ANKFN1: variants seen among roughly 807,000 people sequenced by gnomAD.
The protein encoded by ANKFN1 is ankyrin repeat and fibronectin type III domain containing 1.
In ANKFN1, 74 loss-of-function variants were observed where a neutral mutation model predicts 108.7. That is an observed-to-expected ratio of 0.68 (90% CI 0.56 to 0.83). The LOEUF is 0.83. ANKFN1 is among the 40% of genes least tolerant of loss of function. The pLI, the probability that ANKFN1 is intolerant of heterozygous loss-of-function variation, is 0.00. For missense variants in ANKFN1, 1,505 were observed against 1,382.3 expected (o/e 1.09, Z -1.41); for synonymous variants, 547 against 516.2 (o/e 1.06, Z -0.81).
intron 4 of ANKFN1, among the ~76,000 whole-genome samples, chr17:56,125,588 A>T (rs1315392002): frequency 1.3e-5 from 2 of 152,244 alleles, no homozygotes; most frequent in Non-Finnish European, 2.9e-5. Flanking sequence ...TTTTATCCTC[A>T]TCATAGCCCT....
intron 4 of ANKFN1, among the ~76,000 whole-genome samples, chr17:56,128,668 C>T (rs1322771105): frequency 2.6e-5 from 4 of 152,140 alleles, no homozygotes; most frequent in African/African-American, 9.7e-5. Context: ...GCAGTATTTC[C>T]CAAGGCAGTA....
intron 4 of ANKFN1, among the ~76,000 whole-genome samples, chr17:56,085,384 A>G (rs141306566): frequency 0.01 from 1,558 of 150,894 alleles, 67 homozygotes; most frequent in Non-Finnish European, 0.017. Context: ...AGGCCATGTG[A>G]AAACAGAGGC....
intron 2 of ANKFN1, among the ~76,000 whole-genome samples, chr17:56,225,552 G>A (rs551753876): frequency 5.9e-5 from 9 of 152,272 alleles, no homozygotes; most frequent in African/African-American, 2.2e-4. Context: ...CGAGGGGAGG[G>A]GATGTGTTAT....
At chr17:56,476,455 A>T (rs1455552344) in intron 15 of ANKFN1, among the ~76,000 whole-genome samples, 1 of 152,244 alleles carries the variant, frequency 6.6e-6, no homozygotes, top group East Asian at 1.9e-4. Flanking sequence ...TTACTATTGA[A>T]TCAACAGCTT....
chr17:56,385,111 C>A (rs557035914), intron 8 of ANKFN1, among the ~76,000 whole-genome samples: 85 of 151,112 alleles, frequency 5.6e-4, no homozygotes, highest in Admixed American at 1.7e-3. Context: ...GGTACTGGTA[C>A]CAAAACAGAG....
At chr17:56,506,126 A>T (rs140554715) in intron 20 of ANKFN1, among the ~76,000 whole-genome samples, 1 of 152,132 alleles carries the variant, frequency 6.6e-6, no homozygotes, top group East Asian at 1.9e-4. Flanking sequence ...AGTTTGTTAC[A>T]TATGTATACA....
At chr17:56,220,847 G>T (rs1377376882) in intron 2 of ANKFN1, among the ~76,000 whole-genome samples, 792 of 62,632 alleles carry the variant, frequency 0.013, 42 homozygotes, top group African/African-American at 0.097. Context: ...AGGGAGGGAG[G>T]GAGGAAGGAA....
At position 56,510,612 on chromosome 17, in the gene ANKFN1, C is replaced by T. The variant is rs1379391622; in HGVS notation, c.2784C>T (p.Thr928=). The T allele has an allele frequency of 1.3e-6, 2 of 1,536,078 alleles. No individual in the cohort carries two copies. Among genetic ancestry groups the T allele is most frequent in the African/African-American group, 2.7e-5 (2 of 73,062 alleles). ...YLSSHDIAQQ[T]LSGLSGSAPD... ...CATCTCACGACATTGCGCAGCAGACCCTTAGCGGCCTAAGCGGCAGCGCCC... is the reference window on the plus strand; with the variant it reads ...CATCTCACGACATTGCGCAGCAGACTCTTAGCGGCCTAAGCGGCAGCGCCC... Residue 928 remains threonine, a synonymous_variant, in exon 21 of 21, where the codon ACC becomes ACT. Coordinates refer to ENST00000682825, the MANE Select transcript of ANKFN1 (RefSeq NM_001370326.1).
chr17:56,363,019 G>A (rs563734651), intron 6 of ANKFN1, among the ~76,000 whole-genome samples: 1 of 152,012 alleles, frequency 6.6e-6, no homozygotes, highest in Non-Finnish European at 1.5e-5. Flanking sequence ...GACCATCCTG[G>A]CCAACATGGT....
chr17:56,377,737 A>T (rs2144794831), intron 8 of ANKFN1, among the ~76,000 whole-genome samples: 2 of 152,362 alleles, frequency 1.3e-5, no homozygotes, highest in Middle Eastern at 3.4e-3. Flanking sequence ...AAACATTTGC[A>T]AAAGTGATTT....
intron 4 of ANKFN1, among the ~76,000 whole-genome samples, chr17:56,146,213 G>A (rs1030101335): frequency 3.3e-5 from 5 of 152,186 alleles, no homozygotes; most frequent in African/African-American, 1.2e-4. Context: ...GCTCTACCCT[G>A]TGGCTTTGCA....
At chr17:56,096,537 A>G (rs1207276806) in intron 4 of ANKFN1, among the ~76,000 whole-genome samples, 3 of 152,206 alleles carry the variant, frequency 2.0e-5, no homozygotes, top group African/African-American at 7.2e-5. Flanking sequence ...GGTTTAGGAT[A>G]ATGGAAGAGG....
Position 56,449,156 on chromosome 17 carries a change from C to T in ANKFN1, c.1177C>T (p.Arg393Ter), listed in dbSNP as rs1354081314. 6 of 1,613,112 alleles carry T rather than the reference C, an allele frequency of 3.7e-6. No individual in the cohort carries two copies. The highest frequency in any genetic ancestry group is 1.1e-5 in the South Asian group (1 of 91,028). The change falls in exon 11 of 21, where the codon CGA (arginine) becomes TGA (stop). Residue 393 changes from arginine to a stop codon, truncating the protein, a stop_gained. Transcript: ENST00000682825. LOFTEE classifies it high-confidence loss of function. ...EVLEGLLQQV[R>*]ALHQHYSCRE... is the part of the protein sequence containing the mutation. ...TTTGGAAGGTCTGCTGCAGCAGGTC[C>T]GAGCCCTTCATCAGCATTACAGTTG...
rs570825480 is a variant in ANKFN1, at chr17:56,287,698, T to G, written c.54-38523T>G. 2.0e-5 allele frequency among the ~76,000 whole-genome samples: 3 copies of G among 152,352 alleles called. No homozygotes were observed. The South Asian group carries it at 6.2e-4, about 32-fold the overall frequency. Reference sequence around the variant, plus strand: ...CAAGCCAATCATCTTAGATCTTTTTTCATAGCAAAATATTGTTCTTTTTCA... The same window carrying G: ...CAAGCCAATCATCTTAGATCTTTTTGCATAGCAAAATATTGTTCTTTTTCA... On this transcript the variant is annotated intron_variant, in intron 3 of 20. Coordinates refer to ENST00000682825, the MANE Select transcript of ANKFN1 (RefSeq NM_001370326.1).
chr17:56,263,221 G>T (rs9907080), intron 3 of ANKFN1, among the ~76,000 whole-genome samples: 11,907 of 152,196 alleles, frequency 0.078, 725 homozygotes, highest in African/African-American at 0.17. Flanking sequence ...GGTACTGGAT[G>T]TAAACTAAAT....
chr17:56,230,918 C>G (rs1165390457), intron 3 of ANKFN1, among the ~76,000 whole-genome samples: 4 of 152,188 alleles, frequency 2.6e-5, no homozygotes, highest in South Asian at 4.1e-4. Context: ...GAAAGATTCC[C>G]TGGGGCCCTG....
intron 4 of ANKFN1, among the ~76,000 whole-genome samples, chr17:56,107,055 G>T (rs1034472872): frequency 2.0e-5 from 3 of 152,110 alleles, no homozygotes; most frequent in Non-Finnish European, 2.9e-5. Context: ...GGGGCAAAGT[G>T]CTCCATTTCT....
chr17:56,189,201 C>T (rs112731460), intron 1 of ANKFN1, among the ~76,000 whole-genome samples: 2 of 67,154 alleles, frequency 3.0e-5, no homozygotes, highest in East Asian at 1.2e-3. Flanking sequence ...GACGGAGTCT[C>T]GCTCTGTCGC....
rs376705310 is a variant in ANKFN1 at position 56,406,174 on chromosome 17, A to G, written c.910+31460A>G. On this transcript the variant is annotated intron_variant, in intron 8 of 20. Transcript: ENST00000682825. ...TAAAATCACGTAAGGGCAGTCAAAA[A>G]GAGGAGGTCAGGTACAGACTCTTTT... Among the ~76,000 whole-genome samples the G allele has an allele frequency of 4.6e-5, 7 of 152,312 alleles. No homozygotes were observed. In the East Asian group the frequency reaches 7.7e-4, roughly 17 times the overall value.
Sources: allele counts gnomAD v4.1 joint callset (sites outside exome capture counted in the v4.1 genomes callset), GRCh38; gene constraint gnomAD v4.1.1; transcripts MANE v1.5; gene names NCBI Gene and HGNC (gene_info 2026-07-23, HGNC 2026-07-21).